PPCDC: variants seen among roughly 807,000 people sequenced by gnomAD.
PPCDC encodes the protein phosphopantothenoylcysteine decarboxylase.
PPCDC carries 20 observed loss-of-function variants against 20.7 expected under a neutral mutation model. The observed-to-expected ratio is 0.97, with a 90% CI of 0.68 to 1.41. The LOEUF is 1.41. Ranked by LOEUF, PPCDC falls within the 40% of genes most tolerant of loss-of-function variation. The probability of loss-of-function intolerance (pLI) is 0.00; values close to 1 mark genes in which losing one functional copy is unlikely to be tolerated. For missense variants in PPCDC, 246 were observed against 263.8 expected, an observed-to-expected ratio of 0.93 and a Z score of 0.47; for synonymous variants, 88 against 100.3, an observed-to-expected ratio of 0.88 and a Z score of 0.73.
rs1405771807 is a variant in PPCDC at position 75,043,505 on chromosome 15, T to C, written c.200T>C (p.Val67Ala). 6.2e-7 allele frequency: 1 copy of C among 1,612,250 alleles called. No individual in the cohort carries two copies. The highest frequency in any genetic ancestry group is 8.5e-7 in the Non-Finnish European group (1 of 1,179,128). Reference sequence around the variant, plus strand: ...TTCTACAGCCCCCAGGACATTCCTGTCACCCTCTACAGCGACGCTGATGAA... The same window carrying C: ...TTCTACAGCCCCCAGGACATTCCTGCCACCCTCTACAGCGACGCTGATGAA... ...KHFYSPQDIP[V>A]TLYSDADEWE... is the part of the protein sequence containing the mutation. The change falls in exon 3 of 6, where the codon GTC becomes GCC. Residue 67 changes from valine (V) to alanine (A), a missense_variant. Val to Ala is a moderately conservative substitution (Grantham distance 64). Around this residue, in one of 2 missense-constraint regions of PPCDC, gnomAD observed 225 missense variants for 222.6 expected, o/e 1.01. Coordinates refer to ENST00000342932, the MANE Select transcript of PPCDC (RefSeq NM_021823.5).
rs149670684 is a variant in PPCDC, at chr15:75,045,677, G to T, written c.360+1163G>T. The stretch of plus-strand genomic sequence containing the variant: ...GAATAAGAGCACAGGGTGAGCAGAA[G>T]AACAACTTGTGTGGCCAGGAGCAGG... On this transcript the variant is annotated intron_variant, in intron 4 of 5. Coordinates refer to ENST00000342932, the MANE Select transcript of PPCDC (RefSeq NM_021823.5). Among the ~76,000 whole-genome samples, 401 of 152,202 alleles carry T rather than the reference G, an allele frequency of 2.6e-3. 4 individuals carry two copies. Among genetic ancestry groups the T allele is most frequent in the Non-Finnish European group, 3.7e-3 (251 of 68,006 alleles).
intron 1 of PPCDC, among the ~76,000 whole-genome samples, chr15:75,026,234 G>A (rs2065958246): frequency 6.6e-6 from 1 of 152,162 alleles, no homozygotes; most frequent in African/African-American, 2.4e-5. Context: ...ACAGGGTCAG[G>A]GTTTGCGATC....
chr15:75,037,081 G>A (rs992612846), intron 2 of PPCDC, among the ~76,000 whole-genome samples: 3 of 152,188 alleles, frequency 2.0e-5, no homozygotes, highest in Non-Finnish European at 4.4e-5. Context: ...CCTTCAGGAA[G>A]TAGCTTTCCA....
chr15:75,031,040 T>C (rs1029876354), intron 2 of PPCDC, among the ~76,000 whole-genome samples: 6 of 152,150 alleles, frequency 3.9e-5, no homozygotes, highest in African/African-American at 1.4e-4. Flanking sequence ...GAGAGGCAGC[T>C]GAGCACATTT....
intron 3 of PPCDC, 34 bp from the exon 4 acceptor site, chr15:75,044,352 C>T (rs1196187683): frequency 3.7e-6 from 6 of 1,609,998 alleles, no homozygotes; most frequent in Non-Finnish European, 5.1e-6. Flanking sequence ...ATCCTGCTTC[C>T]TCCACACTGA....
At position 75,046,369 on chromosome 15, in the gene PPCDC, C is replaced by T. The variant is rs540214321; in HGVS notation, c.360+1855C>T. On this transcript the variant is annotated intron_variant, in intron 4 of 5. Coordinates refer to ENST00000342932, the MANE Select transcript of PPCDC (RefSeq NM_021823.5). ...ACCAAATCTCCAGGCTCCCTGCTGG[C>T]GGGTCAGCAGCAGCTGGTGTGACAA... Among the ~76,000 whole-genome samples the T allele has an allele frequency of 3.9e-5, 6 of 152,400 alleles. No homozygotes were observed. The East Asian group carries it at 7.7e-4, about 20-fold the overall frequency.
At chr15:75,043,074 T>G (rs189237107) in intron 2 of PPCDC, among the ~76,000 whole-genome samples, 55 of 152,382 alleles carry the variant, frequency 3.6e-4, no homozygotes, top group African/African-American at 1.3e-3. Context: ...CCCTCCTGCC[T>G]GCTGTGGCCT....
chr15:75,033,829 C>T (rs1461597063), intron 2 of PPCDC, among the ~76,000 whole-genome samples: 2 of 152,060 alleles, frequency 1.3e-5, no homozygotes, highest in African/African-American at 2.4e-5. Context: ...CAGAGGGTCC[C>T]GCACCCCAGG....
chr15:75,042,900 G>A (rs2066170408), intron 2 of PPCDC, among the ~76,000 whole-genome samples: 1 of 152,170 alleles, frequency 6.6e-6, no homozygotes, highest in African/African-American at 2.4e-5. Context: ...CTGTGCCCAC[G>A]AGGACTTGTT....
At chr15:75,032,130 T>C (rs2066028593) in intron 2 of PPCDC, among the ~76,000 whole-genome samples, 1 of 152,166 alleles carries the variant, frequency 6.6e-6, no homozygotes, top group Non-Finnish European at 1.5e-5. Flanking sequence ...CCGCATATTA[T>C]GGGGTGGCAT....
chr15:75,033,581 T>G (rs1485907512), intron 2 of PPCDC, among the ~76,000 whole-genome samples: 1 of 152,144 alleles, frequency 6.6e-6, no homozygotes, highest in Non-Finnish European at 1.5e-5. Flanking sequence ...GGAACATTCT[T>G]GATAAGTTTG....
rs71434252 is a variant in PPCDC at position 75,032,724 on chromosome 15, A to ACCC, written c.135+4280_135+4282dup. Among the ~76,000 whole-genome samples the ACCC allele has an allele frequency of 8.9e-3, 858 of 96,600 alleles. 47 individuals are homozygous for ACCC. The highest frequency in any genetic ancestry group is 0.023 in the African/African-American group (535 of 23,142). The allele number at this position is 96,600 out of a possible 152,430, so 63.4% of individuals were successfully genotyped here. ...CAGGGTGTAGGAGCTAGCAAACTGG[A>ACCC]CCCCCCCCCCCAAGGCCAAATTCGG... is the stretch of plus-strand genomic sequence containing the variant. On this transcript the variant is annotated intron_variant, in intron 2 of 5. Coordinates refer to ENST00000342932, the MANE Select transcript of PPCDC (RefSeq NM_021823.5).
intron 2 of PPCDC, chr15:75,043,209 C>A: frequency 2.2e-6 from 1 of 464,158 alleles, no homozygotes; most frequent in Non-Finnish European, 3.9e-6. Context: ...CATTCCTCAG[C>A]AGCCCCTCAG....
intron 2 of PPCDC, among the ~76,000 whole-genome samples, chr15:75,032,666 AG>A (rs2066034837): frequency 6.6e-6 from 1 of 150,446 alleles, no homozygotes. Context: ...TCTGTGCTGA[AG>A]GGAGCAATCA....
chr15:75,032,739 G>C (rs1384896226), intron 2 of PPCDC, among the ~76,000 whole-genome samples: 1 of 87,034 alleles, frequency 1.1e-5, no homozygotes, highest in East Asian at 3.4e-4. Context: ...CCCCCCCAAG[G>C]CCAAATTCGG....
chr15:75,027,266 T>C (rs2065969615), intron 1 of PPCDC, among the ~76,000 whole-genome samples: 1 of 152,178 alleles, frequency 6.6e-6, no homozygotes, highest in Non-Finnish European at 1.5e-5. Flanking sequence ...CTTTGCATGG[T>C]GTTCTTTGTA....
rs776841436 is a variant in PPCDC, at chr15:75,028,421, C to G, written c.103C>G (p.Leu35Val). The change falls in exon 2 of 6, where the codon CTT (leucine) becomes GTT (valine). Residue 35 changes from leucine (L) to valine (V), a missense_variant. This residue lies in a region of PPCDC where 225 missense variants were observed against 222.6 expected (regional missense o/e 1.01). Coordinates refer to ENST00000342932, the MANE Select transcript of PPCDC (RefSeq NM_021823.5). ...GAGTGTCGCAGCCCTGAAGTTGCCT[C>G]TTCTGGTGTCAAAGCTTTTGGACAT... is the stretch of plus-strand genomic sequence containing the variant. ...TGSVAALKLP[L>V]LVSKLLDIPG... 1 of 1,614,244 alleles carries G rather than the reference C, an allele frequency of 6.2e-7. No individual in the cohort carries two copies. The highest frequency in any genetic ancestry group is 8.5e-7 in the Non-Finnish European group (1 of 1,180,048).
In PPCDC at chr15:75,049,743, G is replaced by A. The variant is rs988770408; in HGVS notation, c.*508G>A. 3 of 155,630 alleles carry A rather than the reference G, an allele frequency of 1.9e-5. No individual in the cohort carries two copies. Among genetic ancestry groups the A allele is most frequent in the African/African-American group, 7.2e-5 (3 of 41,458 alleles). The allele number at this position is 155,630 out of a possible 1,614,324, so 9.6% of individuals were successfully genotyped here. The stretch of plus-strand genomic sequence containing the variant: ...GGAAATAAAGAAAAATCACCATTTA[G>A]GAGACTCCATTCTTTCCCTACAACC... On this transcript the variant is annotated 3_prime_UTR_variant, in exon 6 of 6. Coordinates refer to ENST00000342932, the MANE Select transcript of PPCDC (RefSeq NM_021823.5).
chr15:75,032,770 C>T (rs2066039799), intron 2 of PPCDC, among the ~76,000 whole-genome samples: 1 of 127,126 alleles, frequency 7.9e-6, no homozygotes, highest in African/African-American at 2.8e-5. Context: ...TTTTGTATAG[C>T]CTACAGCTAA....
Sources: gnomAD v4.1 joint callset for allele counts (sites outside exome capture counted in the v4.1 genomes callset) on GRCh38, gnomAD v4.1.1 for gene constraint, gnomAD v4.1.1 regional missense constraint, MANE v1.5 for transcripts, NCBI Gene and HGNC (gene_info 2026-07-23, HGNC 2026-07-21) for gene names.